ZNF385D: variants seen among roughly 807,000 people sequenced by gnomAD.
ZNF385D encodes zinc finger protein 385D, also known as zinc finger protein 659.
In ZNF385D, 15 loss-of-function variants were observed where a neutral mutation model predicts 35.8. That is an observed-to-expected ratio of 0.42 (90% CI 0.28 to 0.64). ZNF385D has a LOEUF of 0.64. Among genes scored for constraint, ZNF385D ranks in the 30% least tolerant of loss-of-function variants. ZNF385D has a pLI of 0.23. For synonymous variants in ZNF385D, 212 were observed against 186.8 expected, an observed-to-expected ratio of 1.13 and a Z score of -1.10; for missense variants, 474 against 494.6, an observed-to-expected ratio of 0.96 and a Z score of 0.39.
chr3:21,904,235 C>T (rs937027030), intron 3 of ZNF385D, among the ~76,000 whole-genome samples: 32 of 133,420 alleles, frequency 2.4e-4, no homozygotes, highest in African/African-American at 2.3e-4. Context: ...ACCCAGGAGG[C>T]GGAGGTTGCA....
chr3:21,567,612 A>AGAT (rs1276616836), intron 2 of ZNF385D, among the ~76,000 whole-genome samples: 1 of 152,164 alleles, frequency 6.6e-6, no homozygotes, highest in Non-Finnish European at 1.5e-5. Context: ...ACTTACAGGT[A>AGAT]GATGCCTTAT....
intron 2 of ZNF385D, among the ~76,000 whole-genome samples, chr3:22,325,770 A>C (rs988976445): frequency 3.3e-5 from 5 of 152,146 alleles, no homozygotes; most frequent in African/African-American, 1.2e-4. Flanking sequence ...AAAAACAAAA[A>C]ACAAAAAAAC....
chr3:22,356,068 G>A (rs895464307), intron 2 of ZNF385D, among the ~76,000 whole-genome samples: 4 of 151,940 alleles, frequency 2.6e-5, no homozygotes, highest in African/African-American at 9.7e-5. Flanking sequence ...TTGTTAATTT[G>A]TGTAGGTATA....
intron 3 of ZNF385D, among the ~76,000 whole-genome samples, chr3:21,822,392 T>G (rs1559658806): frequency 2.0e-5 from 3 of 152,156 alleles, no homozygotes. Flanking sequence ...AACTTTGAAA[T>G]GAAAAGAAAA....
chr3:21,990,249 G>T (rs1695077293), intron 3 of ZNF385D, among the ~76,000 whole-genome samples: 2 of 152,164 alleles, frequency 1.3e-5, no homozygotes, highest in Non-Finnish European at 2.9e-5. Flanking sequence ...GGGTTTATTG[G>T]CACTGGCATA....
chr3:21,836,018 G>T (rs537754239), intron 3 of ZNF385D, among the ~76,000 whole-genome samples: 1 of 152,144 alleles, frequency 6.6e-6, no homozygotes, highest in Admixed American at 6.6e-5. Flanking sequence ...GATCAGACAG[G>T]TAAAGAAAAT....
intron 3 of ZNF385D, among the ~76,000 whole-genome samples, chr3:21,832,308 C>A (rs971418710): frequency 6.6e-6 from 1 of 152,180 alleles, no homozygotes; most frequent in Non-Finnish European, 1.5e-5. Flanking sequence ...TCTATATTGT[C>A]ATCTGCCCGT....
At chr3:21,645,861 A>G (rs1283584923) in intron 2 of ZNF385D, among the ~76,000 whole-genome samples, 1 of 152,158 alleles carries the variant, frequency 6.6e-6, no homozygotes, top group Non-Finnish European at 1.5e-5. Flanking sequence ...GTCCATGTTC[A>G]GCATTATGTA....
At chr3:21,784,096 G>T (rs1199159739) in intron 3 of ZNF385D, among the ~76,000 whole-genome samples, 1 of 152,152 alleles carries the variant, frequency 6.6e-6, no homozygotes, top group African/African-American at 2.4e-5. Context: ...TCTCCTGTAA[G>T]AAGTTTGTCA....
chr3:22,339,768 A>T (rs1695338308), intron 2 of ZNF385D, among the ~76,000 whole-genome samples: 1 of 152,162 alleles, frequency 6.6e-6, no homozygotes, highest in Non-Finnish European at 1.5e-5. Context: ...TTGAAACATC[A>T]CCAAAAATGT....
chr3:21,660,473 G>A (rs2066204850), intron 2 of ZNF385D, among the ~76,000 whole-genome samples: 1 of 152,078 alleles, frequency 6.6e-6, no homozygotes, highest in Admixed American at 6.6e-5. Flanking sequence ...ACGGGGGCAT[G>A]GTATCATGCT....
Position 21,751,084 on chromosome 3 carries a change from C to T in ZNF385D, c.-168G>A. ...CTCCGCGGGATGAGCGCCTTGCAGGCTGCCTTTCCAGGGCTAAGATCCCCG... is the reference window on the plus strand; with the variant it reads ...CTCCGCGGGATGAGCGCCTTGCAGGTTGCCTTTCCAGGGCTAAGATCCCCG... On this transcript the variant is annotated 5_prime_UTR_variant, in exon 1 of 8. Coordinates refer to ENST00000281523, the MANE Select transcript of ZNF385D (RefSeq NM_024697.3). 2.0e-6 allele frequency: 3 copies of T among 1,500,534 alleles called. No individual in the cohort carries two copies. In the South Asian group the frequency reaches 4.1e-5, roughly 20 times the overall value. 93.0% of individuals were successfully genotyped at this position (1,500,534 alleles called of 1,614,324 possible). A position where few individuals can be genotyped will look rare whatever the true frequency, so the allele number is the denominator to read the frequency against.
intron 3 of ZNF385D, among the ~76,000 whole-genome samples, chr3:21,960,604 G>A (rs1167820417): frequency 6.6e-6 from 1 of 151,998 alleles, no homozygotes; most frequent in South Asian, 2.1e-4. Context: ...CAAAGGAAAG[G>A]AAATCAGTAT....
intron 2 of ZNF385D, among the ~76,000 whole-genome samples, chr3:21,629,089 CCTT>C (rs1455755988): frequency 2.0e-5 from 3 of 152,036 alleles, no homozygotes; most frequent in African/African-American, 4.8e-5. Flanking sequence ...GAGGATCAGG[CCTT>C]TTTTTAAAAA....
At chr3:21,482,026 T>C (rs1425868821) in intron 4 of ZNF385D, among the ~76,000 whole-genome samples, 2 of 152,182 alleles carry the variant, frequency 1.3e-5, no homozygotes, top group Admixed American at 6.6e-5. Context: ...GGTGTTTTTT[T>C]CTGACCTTCA....
intron 3 of ZNF385D, among the ~76,000 whole-genome samples, chr3:21,782,683 T>C (rs767702390): frequency 1.3e-5 from 2 of 152,142 alleles, no homozygotes; most frequent in Non-Finnish European, 2.9e-5. Context: ...CTATTTTTCT[T>C]AGGATTATTT....
intron 3 of ZNF385D, among the ~76,000 whole-genome samples, chr3:21,805,772 G>T (rs1575681864): frequency 6.6e-6 from 1 of 152,278 alleles, no homozygotes; most frequent in East Asian, 1.9e-4. Context: ...AGATGCTAGT[G>T]AGCAGTGAAA....
chr3:21,631,286 C>T (rs965959691), intron 2 of ZNF385D, among the ~76,000 whole-genome samples: 2 of 152,040 alleles, frequency 1.3e-5, no homozygotes, highest in Admixed American at 6.6e-5. Context: ...CTCTCCTACC[C>T]TTCCAAGGCA....
chr3:21,621,822 T>A (rs1424682518), intron 2 of ZNF385D, among the ~76,000 whole-genome samples: 1 of 150,880 alleles, frequency 6.6e-6, no homozygotes, highest in Non-Finnish European at 1.5e-5. Context: ...TTATGTCTTC[T>A]GTTCTTGTAT....
Sources: gnomAD v4.1 joint callset for allele counts (sites outside exome capture counted in the v4.1 genomes callset) on GRCh38, gnomAD v4.1.1 for gene constraint, MANE v1.5 for transcripts, NCBI Gene and HGNC (gene_info 2026-07-23, HGNC 2026-07-21) for gene names.